Variants in CASK observed in about 807,000 individuals in gnomAD.
CASK encodes calcium/calmodulin dependent serine protein kinase.
CASK carries 4 observed loss-of-function variants against 82.9 expected under a neutral mutation model. That is an observed-to-expected ratio of 0.05 (90% CI 0.02 to 0.11). CASK has a LOEUF of 0.11. Among genes scored for constraint, CASK ranks in the 10% least tolerant of loss-of-function variants. The pLI is 1.00. For synonymous variants in CASK, 259 were observed against 253.5 expected (o/e 1.02, Z -0.20); for missense variants, 358 against 720.9 (o/e 0.50, Z 5.76).
At chrX:41,596,834 G>A (rs1250918908) in intron 12 of CASK, among the ~76,000 whole-genome samples, 1 of 111,704 alleles carries the variant, frequency 9.0e-6, no homozygotes, top group Non-Finnish European at 1.9e-5. Flanking sequence ...TACCTACACC[G>A]ACACGCTTCA....
At chrX:41,740,576 T>C (rs1461717665) in intron 4 of CASK, among the ~76,000 whole-genome samples, 1 of 111,856 alleles carries the variant, frequency 8.9e-6, no homozygotes, top group African/African-American at 3.2e-5. Context: ...GGAATATTTC[T>C]CTAGTTAGCA....
At chrX:41,828,301 T>C (rs950972788) in intron 2 of CASK, among the ~76,000 whole-genome samples, 1 of 111,538 alleles carries the variant, frequency 9.0e-6, no homozygotes, top group Admixed American at 9.5e-5. Flanking sequence ...CAGGACAGCA[T>C]TGTTCTTAGT....
chrX:41,834,699 C>T (rs1265963842), intron 2 of CASK, among the ~76,000 whole-genome samples: 2 of 111,672 alleles, frequency 1.8e-5, no homozygotes, highest in African/African-American at 6.5e-5. Flanking sequence ...AATAGTTTCT[C>T]CCCCTTGCGA....
intron 3 of CASK, among the ~76,000 whole-genome samples, chrX:41,773,628 A>G (rs772035437): frequency 1.8e-5 from 2 of 111,683 alleles, no homozygotes; most frequent in African/African-American, 6.5e-5. Flanking sequence ...TCGTTCCTGT[A>G]CAACCATCAT....
chrX:41,613,058 G>A (rs1462533986), intron 11 of CASK, among the ~76,000 whole-genome samples: 3 of 109,792 alleles, frequency 2.7e-5, no homozygotes, highest in Non-Finnish European at 5.8e-5. Flanking sequence ...GAGGTGAGGG[G>A]CGCCTCTGCC....
chrX:41,800,936 G>A (rs1365508364), intron 2 of CASK, among the ~76,000 whole-genome samples: 2 of 111,673 alleles, frequency 1.8e-5, no homozygotes, highest in Non-Finnish European at 3.8e-5. Context: ...GCAGAGAAAT[G>A]CATGGATAAG....
At chrX:41,717,535 CCCAGTATTATATTAATA>C (rs1433648248) in intron 5 of CASK, among the ~76,000 whole-genome samples, 1 of 111,684 alleles carries the variant, frequency 9.0e-6, no homozygotes. Flanking sequence ...ATGAAAGAAA[CCCAGTATTATATTAATA>C]CCTTGAAAGA....
chrX:41,913,680 T>C (rs1397280190), intron 1 of CASK, among the ~76,000 whole-genome samples: 1 of 112,733 alleles, frequency 8.9e-6, no homozygotes, highest in African/African-American at 3.2e-5. Flanking sequence ...CATTTGGAAA[T>C]TGTTGAAACT....
At chrX:41,617,007 C>T (rs1387350147) in intron 11 of CASK, among the ~76,000 whole-genome samples, 1 of 112,222 alleles carries the variant, frequency 8.9e-6, no homozygotes, top group South Asian at 3.7e-4. Flanking sequence ...AAGGGGCTCT[C>T]AGACTGGTGT....
At chrX:41,885,838 GAAGA>G (rs1176767311) in intron 1 of CASK, among the ~76,000 whole-genome samples, 1 of 111,830 alleles carries the variant, frequency 8.9e-6, no homozygotes, top group East Asian at 2.8e-4. Flanking sequence ...TTGCCAGATA[GAAGA>G]AATACCACCA....
rs753162926 is a variant in CASK, at chrX:41,524,769, G to A, written c.2521-735C>T. ...ATATACTGCAACGCTGCAGTCAGAC[G>A]CTGTGGGAGTTGATTCTGCTAAGGG... On this transcript the variant is annotated intron_variant, in intron 25 of 26. Coordinates refer to ENST00000378163, the MANE Select transcript of CASK (RefSeq NM_001367721.1). 6 of 111,108 alleles carry A rather than the reference G, an allele frequency of 5.4e-5. No individual in the cohort carries two copies. In the East Asian group the frequency reaches 1.4e-3, roughly 26 times the overall value. The allele number at this position is 111,108 out of a possible 1,213,427, so 9.2% of individuals were successfully genotyped here.
chrX:41,872,444 C>T (rs1180785056), intron 1 of CASK, among the ~76,000 whole-genome samples: 1 of 111,860 alleles, frequency 8.9e-6, no homozygotes, highest in African/African-American at 3.3e-5. Flanking sequence ...CCTACCTATG[C>T]TCCTTGTGCT....
chrX:41,525,812 G>T (rs773999656), intron 25 of CASK, among the ~76,000 whole-genome samples: 1 of 111,745 alleles, frequency 8.9e-6, no homozygotes. Flanking sequence ...GACATGAAAG[G>T]TTCTTTCTTT....
At chrX:41,549,751 G>T (rs1039501645) in intron 21 of CASK, among the ~76,000 whole-genome samples, 2 of 110,301 alleles carry the variant, frequency 1.8e-5, no homozygotes, top group African/African-American at 6.6e-5. Flanking sequence ...GAGATAGGGG[G>T]ATTGCTTGAA....
rs758345399 is a variant in CASK, at chrX:41,534,746, G to A, written c.2277C>T (p.Leu759=). The change falls in exon 24 of 27, where the codon CTC becomes CTT. Residue 759 remains leucine (L), a synonymous_variant. Transcript: ENST00000378163. ...GVGRRHIKNT[L]ITKHPDRFAY... is the part of the protein sequence containing the mutation. Reference sequence around the variant, plus strand: ...CAAACCGGTCTGGGTGCTTTGTGATGAGAGTGTTTTTTATGTGTCTTCTCC... The same window carrying A: ...CAAACCGGTCTGGGTGCTTTGTGATAAGAGTGTTTTTTATGTGTCTTCTCC... The A allele has an allele frequency of 7.4e-6, 9 of 1,209,944 alleles. No homozygotes were observed. Among genetic ancestry groups the A allele is most frequent in the Admixed American group, 6.5e-5 (3 of 46,030 alleles).
intron 4 of CASK, chrX:41,743,438 G>C: frequency 3.8e-6 from 1 of 263,530 alleles, no homozygotes; most frequent in Non-Finnish European, 6.7e-6. Context: ...TTGCACAAAA[G>C]AAAAGAGAAT....
At chrX:41,798,350 T>A (rs760758799) in intron 2 of CASK, among the ~76,000 whole-genome samples, 1 of 112,536 alleles carries the variant, frequency 8.9e-6, no homozygotes, top group Non-Finnish European at 1.9e-5. Flanking sequence ...AATACAAAGA[T>A]GAGATGATTA....
At chrX:41,562,266 T>C (rs1430088713) in intron 16 of CASK, 1 of 112,616 alleles carries the variant, frequency 8.9e-6, no homozygotes, top group Non-Finnish European at 1.9e-5. Context: ...GGTTGGCATT[T>C]CAGCATCTTG....
At chrX:41,589,653 T>G in intron 12 of CASK, 61 bp from the exon 13 acceptor site, 1 of 779,311 alleles carries the variant, frequency 1.3e-6, no homozygotes, top group East Asian at 3.2e-5. Flanking sequence ...AATCAGAGCT[T>G]CATATTTATT....
Sources: gnomAD v4.1 joint callset for allele counts (sites outside exome capture counted in the v4.1 genomes callset) on GRCh38, gnomAD v4.1.1 for gene constraint, MANE v1.5 for transcripts, NCBI Gene and HGNC (gene_info 2026-07-23, HGNC 2026-07-21) for gene names.